The following SYTL2 variants were observed in gnomAD, a reference collection of about 807,000 sequenced individuals.
The protein encoded by SYTL2 is synaptotagmin-like protein 2.
Under a neutral mutation model 198.7 loss-of-function variants are expected in SYTL2, and 165 were observed. The ratio of observed to expected loss-of-function variants is 0.83; its 90% CI spans 0.73 to 0.94. The LOEUF is 0.94. Among genes scored for constraint, SYTL2 ranks in the 40% least tolerant of loss-of-function variants. The probability of loss-of-function intolerance (pLI) is 0.00; values close to 1 mark genes in which losing one functional copy is unlikely to be tolerated. For missense variants in SYTL2, 2,835 were observed against 2,582.8 expected (o/e 1.10, Z -2.12); for synonymous variants, 966 against 917.7 (o/e 1.05, Z -0.95).
Position 85,724,532 on chromosome 11 carries a change from G to T in SYTL2, c.4826C>A (p.Pro1609His). 6.2e-7 allele frequency: 1 copy of T among 1,613,834 alleles called. No individual in the cohort carries two copies. The highest frequency in any genetic ancestry group is 1.1e-5 in the South Asian group (1 of 91,066). Reference protein sequence around the residue: ...SEQTRFLGTVPHFYRAASQTS... With the variant: ...SEQTRFLGTVHHFYRAASQTS... ...CTGTGAGGCTGCCCTGTAAAAATGG[G>T]GCACTGTCCCCAAGAACCTGGTCTG... Residue 1609 changes from proline to histidine, a missense_variant, in exon 8 of 20, where the codon CCC becomes CAC. Physicochemically the swap from Pro to His is moderately conservative, Grantham distance 77. Transcript: ENST00000359152.
intron 1 of SYTL2, among the ~76,000 whole-genome samples, chr11:85,786,718 G>C (rs933629598): frequency 6.6e-6 from 1 of 152,088 alleles, no homozygotes; most frequent in Non-Finnish European, 1.5e-5. Context: ...GGAGTTTAGA[G>C]GCATCTCTAA....
chr11:85,734,339 T>C lies in SYTL2; in HGVS notation c.990A>G (p.Leu330=), dbSNP rs750496000. Reference sequence around the variant, plus strand: ...TCACTGCAGAGAATCTCACATGCTTTAATGGCTCCAGGGAGTTTGGGGAAG... The same window carrying C: ...TCACTGCAGAGAATCTCACATGCTTCAATGGCTCCAGGGAGTTTGGGGAAG... The part of the protein sequence containing the change: ...DNSSPNSLEP[L]KHVRFSAVKD... Residue 330 remains leucine (L), a synonymous_variant, in exon 7 of 20, where the codon TTA becomes TTG. Transcript: ENST00000359152. The C allele has an allele frequency of 1.2e-5, 20 of 1,614,250 alleles. No homozygotes were observed. Among genetic ancestry groups the C allele is most frequent in the Admixed American group, 1.7e-5 (1 of 60,028 alleles).
intron 3 of SYTL2, 75 bp from the exon 4 acceptor site, chr11:85,745,847 T>G: frequency 6.8e-7 from 1 of 1,478,834 alleles, no homozygotes. Flanking sequence ...TCAGCTCTTA[T>G]CACTGAAGCC....
At chr11:85,696,531 G>A (rs1406857902) in intron 18 of SYTL2, 143 bp from the exon 19 acceptor site, 2 of 695,642 alleles carry the variant, frequency 2.9e-6, no homozygotes, top group Non-Finnish European at 5.0e-6. Context: ...TTGGCAGACA[G>A]TGGGGTAGGG....
At chr11:85,765,559 T>C (rs1453336871) in intron 1 of SYTL2, among the ~76,000 whole-genome samples, 1 of 152,170 alleles carries the variant, frequency 6.6e-6, no homozygotes, top group Non-Finnish European at 1.5e-5. Context: ...TAGAGCCAAC[T>C]GAAAATTAAA....
chr11:85,737,057 G>T (rs1187620133), intron 5 of SYTL2, among the ~76,000 whole-genome samples: 1 of 152,148 alleles, frequency 6.6e-6, no homozygotes, highest in African/African-American at 2.4e-5. Flanking sequence ...AGATTTTGGA[G>T]ACATTTTAGG....
intron 1 of SYTL2, among the ~76,000 whole-genome samples, chr11:85,775,019 C>T (rs2092427164): frequency 2.0e-5 from 3 of 151,072 alleles, no homozygotes. Flanking sequence ...GACATAAAAT[C>T]AAATGACAAA....
intron 13 of SYTL2, among the ~76,000 whole-genome samples, chr11:85,710,339 G>C (rs2086033758): frequency 6.6e-6 from 1 of 152,136 alleles, no homozygotes; most frequent in African/African-American, 2.4e-5. Flanking sequence ...CCTTCCCAAA[G>C]GCAGATGTTA....
Position 85,786,621 on chromosome 11 carries a change from G to A in SYTL2, c.-390+24333C>T, listed in dbSNP as rs370328508. Among the ~76,000 whole-genome samples the A allele has an allele frequency of 8.1e-4, 123 of 152,300 alleles. 4 individuals are homozygous for A. In the South Asian group the frequency reaches 0.023, roughly 28 times the overall value. On this transcript the variant is annotated intron_variant, in intron 1 of 19. Transcript: ENST00000359152. ...CTGCTACCATCAGCACTACCAGTTT[G>A]AGAGTGTGTGTATGTGTGTGCATGG...
At chr11:85,792,220 T>C (rs950296777) in intron 1 of SYTL2, among the ~76,000 whole-genome samples, 1 of 151,950 alleles carries the variant, frequency 6.6e-6, no homozygotes, top group African/African-American at 2.4e-5. Flanking sequence ...ACCCAGCCTC[T>C]AGTGGGTGGT....
chr11:85,838,546 C>A, the SYTL2 span, among the ~76,000 whole-genome samples: 3 of 152,222 alleles, frequency 2.0e-5, no homozygotes, highest in African/African-American at 7.2e-5. Context: ...GCTTCCAAAC[C>A]CAGCAGAAGG....
At chr11:85,761,826 T>C (rs1393319339) in intron 1 of SYTL2, among the ~76,000 whole-genome samples, 1 of 152,168 alleles carries the variant, frequency 6.6e-6, no homozygotes, top group Non-Finnish European at 1.5e-5. Flanking sequence ...GCCCAGCTAA[T>C]TTTTGTATTT....
chr11:85,730,092 C>A (rs943370614), intron 7 of SYTL2, among the ~76,000 whole-genome samples: 3 of 152,154 alleles, frequency 2.0e-5, no homozygotes, highest in Non-Finnish European at 4.4e-5. Context: ...GAAATGGAGG[C>A]AGCAATTAAT....
intron 1 of SYTL2, among the ~76,000 whole-genome samples, chr11:85,772,640 A>C (rs951366218): frequency 3.3e-5 from 5 of 152,264 alleles, no homozygotes; most frequent in African/African-American, 1.2e-4. Flanking sequence ...ATTAGATATC[A>C]AAATGGGCAG....
intron 1 of SYTL2, among the ~76,000 whole-genome samples, chr11:85,772,877 A>T (rs2092383046): frequency 6.6e-6 from 1 of 152,226 alleles, no homozygotes; most frequent in African/African-American, 2.4e-5. Flanking sequence ...GCCAAAGAGC[A>T]TTTCTTGCTA....
At chr11:85,754,136 A>G (rs609012) in intron 2 of SYTL2, among the ~76,000 whole-genome samples, 101,658 of 152,092 alleles carry the variant, frequency 0.67, 34,228 homozygotes, top group Middle Eastern at 0.72. Flanking sequence ...GCCAAATAAC[A>G]CCTAGGAGGA....
At chr11:85,840,130 A>G in the SYTL2 span, among the ~76,000 whole-genome samples, 4 of 151,996 alleles carry the variant, frequency 2.6e-5, no homozygotes, top group African/African-American at 4.8e-5. Context: ...TTCTTATCAG[A>G]TTATTAGATT....
At chr11:85,753,179 A>G (rs2091648458) in intron 2 of SYTL2, among the ~76,000 whole-genome samples, 1 of 152,074 alleles carries the variant, frequency 6.6e-6, no homozygotes, top group Admixed American at 6.5e-5. Flanking sequence ...TTCAAACCAT[A>G]AAAGACTAAA....
At chr11:85,831,032 C>T in the SYTL2 span, among the ~76,000 whole-genome samples, 1 of 152,172 alleles carries the variant, frequency 6.6e-6, no homozygotes. Context: ...GGGTTTTATT[C>T]ATGGGTCTTT....
Sources: gnomAD v4.1 joint callset for allele counts (sites outside exome capture counted in the v4.1 genomes callset) on GRCh38, gnomAD v4.1.1 for gene constraint, MANE v1.5 for transcripts, NCBI Gene and HGNC (gene_info 2026-07-23, HGNC 2026-07-21) for gene names.